SNX13: variants seen among roughly 807,000 people sequenced by gnomAD.
SNX13 encodes sorting nexin-13.
In SNX13, 45 loss-of-function variants were observed where a neutral mutation model predicts 133.6. The ratio of observed to expected loss-of-function variants is 0.34; its 90% CI spans 0.27 to 0.43. The LOEUF (loss-of-function observed/expected upper bound fraction) is 0.43. Among genes scored for constraint, SNX13 ranks in the 20% least tolerant of loss-of-function variants. The pLI, the probability that SNX13 is intolerant of heterozygous loss-of-function variation, is 1.00. For synonymous variants in SNX13, 414 were observed against 373.9 expected (o/e 1.11, Z -1.24); for missense variants, 1,032 against 1,145.1 (o/e 0.90, Z 1.43).
chr7:17,801,492 G>T, intron 22 of SNX13, 96 bp downstream of exon 22: 2 of 840,966 alleles, frequency 2.4e-6, no homozygotes, highest in African/African-American at 1.7e-5. Flanking sequence ...TATAATATGT[G>T]CACATTAATG....
chr7:17,919,447 C>T (rs1799895909), intron 1 of SNX13, among the ~76,000 whole-genome samples: 1 of 152,166 alleles, frequency 6.6e-6, no homozygotes, highest in Admixed American at 6.5e-5. Flanking sequence ...ACCAGAATTT[C>T]ATACCATACA....
chr7:17,831,680 T>C (rs1788505185), intron 15 of SNX13: 1 of 984,158 alleles, frequency 1.0e-6, no homozygotes, highest in African/African-American at 1.7e-5. Context: ...CTAGGTTAGA[T>C]AATTATTTCA....
chr7:17,933,130 A>T (rs1801591739), intron 1 of SNX13, among the ~76,000 whole-genome samples: 1 of 152,244 alleles, frequency 6.6e-6, no homozygotes, highest in Non-Finnish European at 1.5e-5. Context: ...CTTTTCAAGG[A>T]TTTACCAAGT....
chr7:17,908,545 T>C (rs1361100539), intron 1 of SNX13, among the ~76,000 whole-genome samples: 1 of 152,216 alleles, frequency 6.6e-6, no homozygotes, highest in African/African-American at 2.4e-5. Flanking sequence ...TCTTCCCAAA[T>C]ATATTTTTCA....
Position 17,935,780 on chromosome 7 carries a change from A to T in SNX13, c.12+4504T>A, listed in dbSNP as rs145552905. On this transcript the variant is annotated intron_variant, in intron 1 of 25. Transcript: ENST00000428135. ...TATAAAATCCCTTTCCTACCTCTTG[A>T]CACCTCTGAATGCCAGTGGACCTAT... Among the ~76,000 whole-genome samples, 83 of 152,244 alleles carry T rather than the reference A, an allele frequency of 5.5e-4. No homozygotes were observed. The East Asian group carries it at 0.015, about 27-fold the overall frequency.
chr7:17,790,901 CAGTT>C lies in SNX13; in HGVS notation c.*3140_*3143del, dbSNP rs1274610782. ...TTAAAGAAAGAAAGTATTGATAGAA[CAGTT>C]AGGCACACAGTTGACACTTACTGTA... On this transcript the variant is annotated 3_prime_UTR_variant, in exon 26 of 26. Transcript: ENST00000428135. The C allele has an allele frequency of 6.6e-6, 1 of 151,988 alleles. No homozygotes were observed. Among genetic ancestry groups the C allele is most frequent in the Admixed American group, 6.6e-5 (1 of 15,246 alleles). 9.4% of individuals were successfully genotyped at this position (151,988 alleles called of 1,614,324 possible).
chr7:17,914,882 C>G (rs1484346983), intron 1 of SNX13, among the ~76,000 whole-genome samples: 1 of 152,086 alleles, frequency 6.6e-6, no homozygotes, highest in Admixed American at 6.5e-5. Context: ...TCAGTATTAC[C>G]CTTGAATGTA....
intron 24 of SNX13, among the ~76,000 whole-genome samples, chr7:17,797,863 G>C (rs1022611503): frequency 1.3e-4 from 19 of 151,788 alleles, no homozygotes; most frequent in African/African-American, 4.6e-4. Flanking sequence ...AGAGAAACCA[G>C]ATTCCCCACT....
intron 11 of SNX13, among the ~76,000 whole-genome samples, chr7:17,846,232 A>G (rs1320900926): frequency 6.6e-6 from 1 of 152,092 alleles, no homozygotes; most frequent in Non-Finnish European, 1.5e-5. Context: ...GAGCAAGGAA[A>G]CAACCTACAT....
intron 11 of SNX13, among the ~76,000 whole-genome samples, chr7:17,849,520 T>C (rs892023806): frequency 1.3e-5 from 2 of 152,206 alleles, no homozygotes; most frequent in African/African-American, 2.4e-5. Context: ...AGTCAGGTAA[T>C]GTCACTTGTC....
At chr7:17,801,752 T>C in intron 21 of SNX13, 93 bp from the exon 22 acceptor site, 1 of 918,800 alleles carries the variant, frequency 1.1e-6, no homozygotes, top group Non-Finnish European at 1.6e-6. Flanking sequence ...TATCAGCATT[T>C]GATCTGACTT....
intron 25 of SNX13, 167 bp downstream of exon 25, chr7:17,796,660 G>C: frequency 1.7e-6 from 1 of 595,590 alleles, no homozygotes. Context: ...ACTGTCATGA[G>C]GACTGATTAA....
chr7:17,823,078 C>G (rs996816554), intron 17 of SNX13, among the ~76,000 whole-genome samples: 3 of 152,202 alleles, frequency 2.0e-5, no homozygotes, highest in African/African-American at 7.2e-5. Context: ...TTGGCCCATC[C>G]TGCCTCTTCT....
At position 17,796,949 on chromosome 7, in the gene SNX13, A is replaced by C. The variant is rs1302708025; in HGVS notation, c.2514-10T>G. ...TGGCCAAAATGCATCTCTATTTGAG[A>C]AGATTAAATACATTTTGTAAACATT... is the stretch of plus-strand genomic sequence containing the variant. On this transcript the variant is annotated splice_polypyrimidine_tract_variant and intron_variant, in intron 24 of 25. Transcript: ENST00000428135. The C allele has an allele frequency of 6.5e-7, 1 of 1,541,198 alleles. No homozygotes were observed. Among genetic ancestry groups the C allele is most frequent in the Non-Finnish European group, 9.0e-7 (1 of 1,116,178 alleles).
At chr7:17,898,987 G>T (rs1797524716) in intron 1 of SNX13, 1 of 152,104 alleles carries the variant, frequency 6.6e-6, no homozygotes, top group African/African-American at 2.4e-5. Flanking sequence ...AATCAGGGGG[G>T]AATACTATTT....
At chr7:17,876,068 TC>T (rs1385056626) in intron 5 of SNX13, among the ~76,000 whole-genome samples, 1 of 152,232 alleles carries the variant, frequency 6.6e-6, no homozygotes, top group Non-Finnish European at 1.5e-5. Context: ...ATTAATTTTT[TC>T]CAGTTAAATT....
intron 17 of SNX13, among the ~76,000 whole-genome samples, chr7:17,825,694 C>T (rs1044071943): frequency 6.6e-6 from 1 of 151,930 alleles, no homozygotes; most frequent in Non-Finnish European, 1.5e-5. Context: ...TAAGATCTCT[C>T]CAGAAAAGAT....
At chr7:17,816,698 T>A (rs1013453506) in intron 18 of SNX13, among the ~76,000 whole-genome samples, 2 of 151,936 alleles carry the variant, frequency 1.3e-5, no homozygotes, top group Non-Finnish European at 2.9e-5. Context: ...CAAAAACCCA[T>A]CTTCAACAGA....
intron 11 of SNX13, among the ~76,000 whole-genome samples, chr7:17,848,108 TA>T (rs982278150): frequency 6.6e-6 from 1 of 152,022 alleles, no homozygotes; most frequent in Non-Finnish European, 1.5e-5. Flanking sequence ...CCTGTGCCTA[TA>T]AAAAACCGAG....
Sources: gnomAD v4.1 joint callset for allele counts (sites outside exome capture counted in the v4.1 genomes callset) on GRCh38, gnomAD v4.1.1 for gene constraint, MANE v1.5 for transcripts, NCBI Gene and HGNC (gene_info 2026-07-23, HGNC 2026-07-21) for gene names.